PTPRM: variants seen among roughly 807,000 people sequenced by gnomAD.
PTPRM encodes receptor-type tyrosine-protein phosphatase mu.
PTPRM carries 47 observed loss-of-function variants against 186.7 expected under a neutral mutation model. The ratio of observed to expected loss-of-function variants is 0.25; its 90% CI spans 0.20 to 0.32. The LOEUF (loss-of-function observed/expected upper bound fraction) is 0.32, where lower values mean the gene tolerates loss of function less well. Among genes scored for constraint, PTPRM ranks in the 10% least tolerant of loss-of-function variants. PTPRM has a pLI of 1.00. For synonymous variants in PTPRM, 668 were observed against 674.9 expected (o/e 0.99, Z 0.16); for missense variants, 1,494 against 1,865.0 (o/e 0.80, Z 3.66).
intron 1 of PTPRM, among the ~76,000 whole-genome samples, chr18:7,767,347 C>T (rs1454513754): frequency 1.3e-5 from 2 of 152,102 alleles, no homozygotes; most frequent in East Asian, 1.9e-4. Context: ...AGATGATTTA[C>T]GTGTACTGGG....
chr18:8,072,943 C>T (rs2089578742), intron 8 of PTPRM, among the ~76,000 whole-genome samples: 1 of 152,044 alleles, frequency 6.6e-6, no homozygotes, highest in Non-Finnish European at 1.5e-5. Flanking sequence ...TTTCTCTGAC[C>T]TTAAAGTGAT....
chr18:8,334,811 C>T (rs2095429964), intron 22 of PTPRM, among the ~76,000 whole-genome samples: 1 of 152,130 alleles, frequency 6.6e-6, no homozygotes, highest in Non-Finnish European at 1.5e-5. Context: ...CAGGAGAGCT[C>T]AGTGGGAGCC....
intron 19 of PTPRM, among the ~76,000 whole-genome samples, chr18:8,273,580 CA>C (rs1445966542): frequency 6.6e-6 from 1 of 152,166 alleles, no homozygotes; most frequent in Non-Finnish European, 1.5e-5. Context: ...TTCTTGTTTT[CA>C]TTGCATTGCT....
chr18:8,064,629 C>T (rs1182578333), intron 7 of PTPRM, among the ~76,000 whole-genome samples: 1 of 152,188 alleles, frequency 6.6e-6, no homozygotes, highest in Non-Finnish European at 1.5e-5. Flanking sequence ...CGTTCCATTA[C>T]ATCACCAGTA....
At chr18:8,141,754 T>A (rs577876090) in intron 13 of PTPRM, among the ~76,000 whole-genome samples, 1 of 66,386 alleles carries the variant, frequency 1.5e-5, no homozygotes, top group Non-Finnish European at 2.9e-5. Flanking sequence ...CTATAACTAG[T>A]GAGATAAATG....
At chr18:7,633,841 A>G (rs1487522617) in intron 1 of PTPRM, among the ~76,000 whole-genome samples, 1 of 152,134 alleles carries the variant, frequency 6.6e-6, no homozygotes, top group African/African-American at 2.4e-5. Context: ...CTACCTTCAC[A>G]GTATTTCCAA....
At chr18:8,162,116 TC>T (rs906386816) in intron 14 of PTPRM, among the ~76,000 whole-genome samples, 6 of 151,932 alleles carry the variant, frequency 3.9e-5, no homozygotes, top group South Asian at 4.2e-4. Context: ...TTTTTTTTTT[TC>T]CTACGGAGTT....
chr18:7,917,442 A>T (rs538416287), intron 4 of PTPRM, among the ~76,000 whole-genome samples: 2 of 152,300 alleles, frequency 1.3e-5, no homozygotes, highest in Non-Finnish European at 2.9e-5. Flanking sequence ...AGGCTGAGGC[A>T]GGAGAATGGC....
At chr18:8,252,772 T>C (rs539901121) in intron 18 of PTPRM, among the ~76,000 whole-genome samples, 1 of 152,360 alleles carries the variant, frequency 6.6e-6, no homozygotes, top group East Asian at 1.9e-4. Flanking sequence ...AAGTCCCCAT[T>C]TCCATTGCTA....
intron 3 of PTPRM, among the ~76,000 whole-genome samples, chr18:7,901,399 A>T (rs1004914968): frequency 1.3e-5 from 2 of 151,506 alleles, no homozygotes; most frequent in Admixed American, 1.3e-4. Context: ...ACGGAGTCTT[A>T]CTCTGTCGCC....
At chr18:7,624,853 A>G (rs957364764) in intron 1 of PTPRM, among the ~76,000 whole-genome samples, 6 of 152,212 alleles carry the variant, frequency 3.9e-5, no homozygotes, top group African/African-American at 1.4e-4. Context: ...GCATGAATGC[A>G]CTGTGCAGAG....
At chr18:7,835,303 A>C (rs2045989175) in intron 2 of PTPRM, among the ~76,000 whole-genome samples, 1 of 151,518 alleles carries the variant, frequency 6.6e-6, no homozygotes, top group African/African-American at 2.4e-5. Flanking sequence ...TGTTTCAATA[A>C]ATTTTTTAAT....
At chr18:8,163,506 A>G (rs1050352057) in intron 14 of PTPRM, among the ~76,000 whole-genome samples, 3 of 152,206 alleles carry the variant, frequency 2.0e-5, no homozygotes, top group East Asian at 1.9e-4. Context: ...CATGTCTCTC[A>G]AGGGAAGTCT....
chr18:8,020,201 C>T (rs1295933420), intron 7 of PTPRM, among the ~76,000 whole-genome samples: 1 of 152,206 alleles, frequency 6.6e-6, no homozygotes, highest in South Asian at 2.1e-4. Context: ...AAACTGCACT[C>T]TCACTCCAAT....
intron 2 of PTPRM, among the ~76,000 whole-genome samples, chr18:7,828,945 C>G (rs78068605): frequency 6.1e-4 from 93 of 152,300 alleles, no homozygotes; most frequent in Non-Finnish European, 1.0e-3. Context: ...TTTCTTCTCT[C>G]TCTCTTTTTT....
chr18:7,603,518 C>G (rs999066094), intron 1 of PTPRM, among the ~76,000 whole-genome samples: 2 of 152,180 alleles, frequency 1.3e-5, no homozygotes, highest in Non-Finnish European at 1.5e-5. Flanking sequence ...CCATGTGAGG[C>G]CAGATGTGCT....
chr18:8,259,977 A>C (rs1447398147), intron 19 of PTPRM, among the ~76,000 whole-genome samples: 1 of 152,088 alleles, frequency 6.6e-6, no homozygotes, highest in Non-Finnish European at 1.5e-5. Context: ...CTCCTACCTC[A>C]GTGAAGCCAG....
At position 8,384,717 on chromosome 18, in the gene PTPRM, A is replaced by G. The variant is rs1420309500; in HGVS notation, c.4044+31A>G. On this transcript the variant is annotated intron_variant, in intron 30 of 32. Coordinates refer to ENST00000580170, the MANE Select transcript of PTPRM (RefSeq NM_001105244.2). The stretch of plus-strand genomic sequence containing the variant: ...AGACGGGCCTGTCATGCCTGTGATT[A>G]TGGTTTCATTTATTTTCTCACTCAC... 2.5e-6 allele frequency: 4 copies of G among 1,611,538 alleles called. 1 individual carries two copies. The highest frequency in any genetic ancestry group is 3.3e-4 in the Middle Eastern group (2 of 6,078).
At chr18:8,248,085 T>G (rs1350871265) in intron 16 of PTPRM, 65 bp from the exon 17 acceptor site, 13 of 1,451,238 alleles carry the variant, frequency 9.0e-6, no homozygotes, top group Non-Finnish European at 1.3e-5. Flanking sequence ...TGGGCATTCA[T>G]CAATCATTTA....
Sources: allele counts gnomAD v4.1 joint callset (sites outside exome capture counted in the v4.1 genomes callset), GRCh38; gene constraint gnomAD v4.1.1; transcripts MANE v1.5; gene names NCBI Gene and HGNC (gene_info 2026-07-23, HGNC 2026-07-21).